Variants in RYR3 observed in about 807,000 individuals in gnomAD.
The protein encoded by RYR3 is ryanodine receptor 3, also known as brain ryanodine receptor-calcium release channel.
In RYR3, 207 loss-of-function variants were observed where a neutral mutation model predicts 584.3. The observed-to-expected ratio is 0.35, with a 90% CI of 0.32 to 0.40. The LOEUF is 0.40. RYR3 is among the 10% of genes least tolerant of loss of function. The probability of loss-of-function intolerance (pLI) is 1.00; values close to 1 mark genes in which losing one functional copy is unlikely to be tolerated. For synonymous variants in RYR3, 2,416 were observed against 2,248.5 expected (o/e 1.07, Z -2.11); for missense variants, 5,616 against 6,089.2 (o/e 0.92, Z 2.59).
At position 33,742,302 on chromosome 15, in the gene RYR3, T is replaced by A. The variant is rs928480614; in HGVS notation, c.7821-64T>A. On this transcript the variant is annotated intron_variant, in intron 51 of 103. Transcript: ENST00000634891. The stretch of plus-strand genomic sequence containing the variant: ...CAGCTGGTTGATTGGTAGTTCTGAC[T>A]ATCTTCTACTATGTCTGGCTGAAGT... The A allele has an allele frequency of 6.9e-6, 7 of 1,017,854 alleles. No homozygotes were observed. In the African/African-American group the frequency reaches 1.1e-4, roughly 16 times the overall value. 63.1% of individuals were successfully genotyped at this position (1,017,854 alleles called of 1,614,324 possible). A position where few individuals can be genotyped will look rare whatever the true frequency, so the allele number is the denominator to read the frequency against.
intron 1 of RYR3, among the ~76,000 whole-genome samples, chr15:33,445,469 CAT>C (rs2141916232): frequency 6.6e-6 from 1 of 152,252 alleles, no homozygotes; most frequent in South Asian, 2.1e-4. Context: ...AGTAGAGACA[CAT>C]GTCTGATTTT....
At chr15:33,565,489 A>G (rs2057666484) in intron 11 of RYR3, among the ~76,000 whole-genome samples, 1 of 152,204 alleles carries the variant, frequency 6.6e-6, no homozygotes, top group South Asian at 2.1e-4. Flanking sequence ...AAATAATAAA[A>G]AGGAAGAGAT....
chr15:33,385,275 C>T (rs970077532), intron 1 of RYR3, among the ~76,000 whole-genome samples: 1 of 152,192 alleles, frequency 6.6e-6, no homozygotes, highest in African/African-American at 2.4e-5. Flanking sequence ...ATACTATCCC[C>T]TTGTGCTTAA....
rs11343337 is a variant in RYR3 at position 33,734,688 on chromosome 15, C to CT, written c.7425-1528dup. Among the ~76,000 whole-genome samples, 363 of 91,842 alleles carry CT rather than the reference C, an allele frequency of 4.0e-3. 4 individuals carry two copies. The South Asian group carries it at 0.046, about 12-fold the overall frequency. The allele number at this position is 91,842 out of a possible 152,430, so 60.3% of individuals were successfully genotyped here. A position where few individuals can be genotyped will look rare whatever the true frequency, so the allele number is the denominator to read the frequency against. ...CTTTGGAGAAATTCGATTTTTTTTT[C>CT]TTTTTTTTTTTTTTTTTTTGAGACA... On this transcript the variant is annotated intron_variant, in intron 48 of 103. Transcript: ENST00000634891.
chr15:33,323,285 T>G (rs1467474836), intron 1 of RYR3, among the ~76,000 whole-genome samples: 1 of 151,826 alleles, frequency 6.6e-6, no homozygotes, highest in Non-Finnish European at 1.5e-5. Context: ...CTTTTTTGTA[T>G]TTTTAGTAGA....
chr15:33,313,375 T>C (rs1227322738), intron 1 of RYR3, among the ~76,000 whole-genome samples: 1 of 152,212 alleles, frequency 6.6e-6, no homozygotes, highest in East Asian at 1.9e-4. Flanking sequence ...GTCTTAAGAA[T>C]ATACCTAAGA....
intron 32 of RYR3, among the ~76,000 whole-genome samples, chr15:33,659,095 G>T (rs2062993473): frequency 6.6e-6 from 1 of 152,158 alleles, no homozygotes; most frequent in South Asian, 2.1e-4. Flanking sequence ...CTGTGGTGGG[G>T]GCAGAGAGTG....
At chr15:33,426,610 G>A (rs2044674331) in intron 1 of RYR3, among the ~76,000 whole-genome samples, 1 of 152,134 alleles carries the variant, frequency 6.6e-6, no homozygotes. Flanking sequence ...ACCCTTTTGG[G>A]TATTCTTATC....
chr15:33,697,780 C>A, intron 39 of RYR3, 102 bp from the exon 40 acceptor site: 1 of 700,392 alleles, frequency 1.4e-6, no homozygotes, highest in Admixed American at 2.1e-5. Flanking sequence ...CTGTTACTTT[C>A]ATATTATTTT....
intron 32 of RYR3, among the ~76,000 whole-genome samples, chr15:33,659,310 G>A (rs1331575216): frequency 1.3e-5 from 2 of 152,232 alleles, no homozygotes; most frequent in African/African-American, 2.4e-5. Flanking sequence ...TCTCCTATGG[G>A]CAGGTGTGGA....
chr15:33,789,986 C>T (rs1373416668), intron 67 of RYR3, among the ~76,000 whole-genome samples: 22 of 53,234 alleles, frequency 4.1e-4, no homozygotes, highest in South Asian at 1.7e-3. Flanking sequence ...GCCTGGCCTT[C>T]TTTTTTTTTT....
intron 1 of RYR3, among the ~76,000 whole-genome samples, chr15:33,411,736 A>C (rs1246946609): frequency 6.6e-6 from 1 of 152,202 alleles, no homozygotes. Flanking sequence ...GAGCTTTCTG[A>C]GAGGCTGTGT....
Position 33,854,796 on chromosome 15 carries a change from A to G in RYR3, c.13891A>G (p.Met4631Val), listed in dbSNP as rs898508812. The change falls in exon 98 of 104, where the codon ATG becomes GTG. Residue 4631 changes from methionine (M) to valine (V), a missense_variant. Transcript: ENST00000634891. ...SFLYLAWYTTMSVLGHYNNFF... is the reference protein window; with the variant it reads ...SFLYLAWYTTVSVLGHYNNFF... ...TCTCTACCTTGCCTGGTATACAACC[A>G]TGTCAGTCCTGGGCCACTACAATAA... The G allele has an allele frequency of 1.9e-6, 3 of 1,613,000 alleles. No individual in the cohort carries two copies. Among genetic ancestry groups the G allele is most frequent in the African/African-American group, 1.3e-5 (1 of 74,982 alleles).
At chr15:33,592,186 T>C (rs2059162432) in intron 16 of RYR3, among the ~76,000 whole-genome samples, 1 of 152,194 alleles carries the variant, frequency 6.6e-6, no homozygotes, top group African/African-American at 2.4e-5. Context: ...TCAAAATTTA[T>C]TTTTTCTCAT....
At chr15:33,391,043 G>A (rs770932917) in intron 1 of RYR3, among the ~76,000 whole-genome samples, 13 of 152,248 alleles carry the variant, frequency 8.5e-5, no homozygotes, top group South Asian at 4.1e-4. Context: ...GCTGAGTCCC[G>A]TGACTCCCTC....
rs963830823 is a variant in RYR3 at position 33,363,803 on chromosome 15, T to C, written c.51+52707T>C. On this transcript the variant is annotated intron_variant, in intron 1 of 103. Coordinates refer to ENST00000634891, the MANE Select transcript of RYR3 (RefSeq NM_001036.6). The stretch of plus-strand genomic sequence containing the variant: ...TTCAGTGTGATAGCCACCAGCTGCA[T>C]GTGGGTCCTGAGCATTTGAAATGTG... 5.9e-5 allele frequency among the ~76,000 whole-genome samples: 9 copies of C among 152,340 alleles called. No homozygotes were observed. The South Asian group carries it at 1.9e-3, about 32-fold the overall frequency.
At chr15:33,710,469 G>C (rs8042177) in intron 43 of RYR3, among the ~76,000 whole-genome samples, 1 of 151,112 alleles carries the variant, frequency 6.6e-6, no homozygotes, top group Non-Finnish European at 1.5e-5. Context: ...TCAGCCTTCC[G>C]AGCAGCTGGG....
At chr15:33,493,989 A>G (rs961757978) in intron 2 of RYR3, among the ~76,000 whole-genome samples, 2 of 152,208 alleles carry the variant, frequency 1.3e-5, no homozygotes, top group Non-Finnish European at 2.9e-5. Context: ...CACTTGAGTT[A>G]CTAAACCTTC....
Position 33,473,509 on chromosome 15 carries a change from T to A in RYR3, c.142T>A (p.Cys48Ser). ...LAAEGLGNRLCFLEPTSEAKY... is the reference protein window; with the variant it reads ...LAAEGLGNRLSFLEPTSEAKY... ...AGCCGAGGGACTTGGGAATCGCCTG[T>A]GCTTCTTGGAACCCACTTCAGAAGC... is the stretch of plus-strand genomic sequence containing the variant. The change falls in exon 2 of 104, where the codon TGC becomes AGC. Residue 48 changes from cysteine to serine, a missense_variant. Transcript: ENST00000634891. The A allele has an allele frequency of 1.2e-6, 2 of 1,614,032 alleles. No individual in the cohort carries two copies. Among genetic ancestry groups the A allele is most frequent in the South Asian group, 2.2e-5 (2 of 91,080 alleles).
Sources: gnomAD v4.1 joint callset for allele counts (sites outside exome capture counted in the v4.1 genomes callset) on GRCh38, gnomAD v4.1.1 for gene constraint, MANE v1.5 for transcripts, NCBI Gene and HGNC (gene_info 2026-07-23, HGNC 2026-07-21) for gene names.